Variants in CPQ observed in about 807,000 individuals in gnomAD.
CPQ encodes Ser-Met dipeptidase.
A neutral mutation model predicts 45.7 loss-of-function variants in CPQ; 37 were observed. The observed-to-expected ratio is 0.81, with a 90% CI of 0.62 to 1.07. The LOEUF is 1.07. Ranked by LOEUF, CPQ falls within the 50% of genes least tolerant of loss-of-function variation. The pLI is 0.00. For missense variants in CPQ, 537 were observed against 572.9 expected, an observed-to-expected ratio of 0.94 and a Z score of 0.64; for synonymous variants, 186 against 205.8, an observed-to-expected ratio of 0.90 and a Z score of 0.82.
intron 5 of CPQ, 171 bp downstream of exon 5, chr8:96,966,217 T>C (rs1036858993): frequency 3.8e-6 from 2 of 519,894 alleles, no homozygotes; most frequent in Non-Finnish European, 6.8e-6. Flanking sequence ...TTTTTATTCA[T>C]GTGTACGCCA....
chr8:96,715,266 G>C (rs1439485809), intron 1 of CPQ, among the ~76,000 whole-genome samples: 1 of 152,066 alleles, frequency 6.6e-6, no homozygotes, highest in Non-Finnish European at 1.5e-5. Context: ...TTCTCTGCAG[G>C]GGAAATTTAG....
chr8:97,119,833 C>A (rs1010547876), intron 7 of CPQ, among the ~76,000 whole-genome samples: 1 of 152,162 alleles, frequency 6.6e-6, no homozygotes, highest in Non-Finnish European at 1.5e-5. Flanking sequence ...TTAACATTTA[C>A]AAGACATGAA....
At chr8:96,700,054 G>A (rs1279640129) in intron 1 of CPQ, among the ~76,000 whole-genome samples, 4 of 152,194 alleles carry the variant, frequency 2.6e-5, no homozygotes, top group Non-Finnish European at 4.4e-5. Flanking sequence ...ACAGGAGACT[G>A]GCTTCTCACT....
intron 4 of CPQ, among the ~76,000 whole-genome samples, chr8:96,913,194 A>G (rs1563527486): frequency 6.6e-6 from 1 of 152,220 alleles, no homozygotes; most frequent in Non-Finnish European, 1.5e-5. Flanking sequence ...TTAGGCAACC[A>G]TGTATATAGC....
At chr8:96,684,335 G>A (rs1362809939) in intron 1 of CPQ, among the ~76,000 whole-genome samples, 2 of 152,194 alleles carry the variant, frequency 1.3e-5, no homozygotes, top group Admixed American at 1.3e-4. Context: ...TTCCTCAGTG[G>A]CTTAGACTGC....
At chr8:96,707,025 AG>A (rs1809539027) in intron 1 of CPQ, among the ~76,000 whole-genome samples, 1 of 152,124 alleles carries the variant, frequency 6.6e-6, no homozygotes, top group Non-Finnish European at 1.5e-5. Flanking sequence ...TATTTGATTT[AG>A]TTATATCTAT....
intron 3 of CPQ, among the ~76,000 whole-genome samples, chr8:96,877,655 G>C (rs1250302649): frequency 6.6e-6 from 1 of 152,298 alleles, no homozygotes; most frequent in African/African-American, 2.4e-5. Context: ...GCCAAACACT[G>C]TCTTAAATCC....
intron 2 of CPQ, among the ~76,000 whole-genome samples, chr8:96,833,552 G>A (rs551600084): frequency 3.3e-5 from 5 of 152,240 alleles, no homozygotes; most frequent in South Asian, 2.1e-4. Flanking sequence ...CAACAATAAC[G>A]CCAGTCAAAT....
intron 1 of CPQ, among the ~76,000 whole-genome samples, chr8:96,720,647 C>CT (rs978768229): frequency 4.6e-4 from 69 of 150,424 alleles, no homozygotes; most frequent in Non-Finnish European, 1.8e-4. Context: ...GTTTCTCTAT[C>CT]TTTTTTTTCA....
chr8:96,901,313 G>T (rs1191186570), intron 4 of CPQ, among the ~76,000 whole-genome samples: 1 of 152,124 alleles, frequency 6.6e-6, no homozygotes, highest in African/African-American at 2.4e-5. Context: ...TTTGTTTTCT[G>T]TTCCTTCTTG....
At chr8:97,136,521 T>A (rs1049823634) in intron 7 of CPQ, among the ~76,000 whole-genome samples, 1 of 152,200 alleles carries the variant, frequency 6.6e-6, no homozygotes, top group African/African-American at 2.4e-5. Flanking sequence ...TGGCTTTACA[T>A]CATTCTTTCA....
At chr8:97,045,452 T>A (rs2130497924) in intron 6 of CPQ, among the ~76,000 whole-genome samples, 1 of 152,290 alleles carries the variant, frequency 6.6e-6, no homozygotes, top group African/African-American at 2.4e-5. Context: ...AGTGAGGCAA[T>A]GCCTCGCCCT....
intron 1 of CPQ, among the ~76,000 whole-genome samples, chr8:96,662,447 C>T (rs1265334458): frequency 6.6e-6 from 1 of 152,140 alleles, no homozygotes; most frequent in Non-Finnish European, 1.5e-5. Flanking sequence ...TGGTCCAGTT[C>T]TTAAAGATAA....
intron 1 of CPQ, among the ~76,000 whole-genome samples, chr8:96,653,841 C>T (rs970866028): frequency 2.6e-5 from 4 of 151,990 alleles, no homozygotes; most frequent in African/African-American, 9.7e-5. Flanking sequence ...GTGGAAGAAG[C>T]GAGGAGGTGA....
At chr8:97,052,441 C>T (rs544918109) in intron 6 of CPQ, among the ~76,000 whole-genome samples, 3 of 152,162 alleles carry the variant, frequency 2.0e-5, no homozygotes, top group Non-Finnish European at 2.9e-5. Flanking sequence ...TTATTAGTTA[C>T]TGTAATTGAG....
chr8:96,681,396 T>C (rs1242294606), intron 1 of CPQ, among the ~76,000 whole-genome samples: 1 of 152,204 alleles, frequency 6.6e-6, no homozygotes, highest in East Asian at 1.9e-4. Context: ...GGGCTGTTGC[T>C]TCGCAGGGTG....
chr8:96,877,377 C>A (rs1812160190), intron 3 of CPQ, among the ~76,000 whole-genome samples: 1 of 152,106 alleles, frequency 6.6e-6, no homozygotes, highest in South Asian at 2.1e-4. Flanking sequence ...TTACCAGTAA[C>A]CTATAAGTAC....
At chr8:96,786,947 A>G (rs1810776602) in intron 2 of CPQ, among the ~76,000 whole-genome samples, 1 of 151,994 alleles carries the variant, frequency 6.6e-6, no homozygotes, top group Non-Finnish European at 1.5e-5. Flanking sequence ...TATTTGATTT[A>G]CTAATGTTCT....
chr8:96,673,561 G>T (rs1212439248), intron 1 of CPQ, among the ~76,000 whole-genome samples: 1 of 152,102 alleles, frequency 6.6e-6, no homozygotes, highest in Non-Finnish European at 1.5e-5. Context: ...TGATACTTTT[G>T]TTACATGGGC....
Sources: allele counts gnomAD v4.1 joint callset (sites outside exome capture counted in the v4.1 genomes callset), GRCh38; gene constraint gnomAD v4.1.1; transcripts MANE v1.5; gene names NCBI Gene and HGNC (gene_info 2026-07-23, HGNC 2026-07-21).